DMRT1: variants seen among roughly 807,000 people sequenced by gnomAD.
The protein encoded by DMRT1 is doublesex and mab-3 related transcription factor 1, also known as doublesex- and mab-3-related transcription factor 1.
Under a neutral mutation model 32.3 loss-of-function variants are expected in DMRT1, and 7 were observed. The ratio of observed to expected loss-of-function variants is 0.22; its 90% CI spans 0.12 to 0.41. The LOEUF (loss-of-function observed/expected upper bound fraction) is 0.41. Ranked by LOEUF, DMRT1 falls within the 10% of genes least tolerant of loss-of-function variation. DMRT1 has a pLI of 1.00. For missense variants in DMRT1, 625 were observed against 500.5 expected (o/e 1.25, Z -2.37); for synonymous variants, 278 against 206.1 (o/e 1.35, Z -2.99).
At chr9:855,777 C>T (rs762271995) in intron 2 of DMRT1, among the ~76,000 whole-genome samples, 2 of 152,164 alleles carry the variant, frequency 1.3e-5, no homozygotes, top group Non-Finnish European at 2.9e-5. Flanking sequence ...GCCACCACTC[C>T]TGGCTCATTT....
chr9:879,117 C>T lies in DMRT1; in HGVS notation c.539-14795C>T, dbSNP rs559633166. ...TGAGAGCCAGCTCAGAATAAGATGC[C>T]AGGCTCTAATTCTCTCAAATCAGTC... On this transcript the variant is annotated intron_variant, in intron 2 of 4. Transcript: ENST00000382276. Among the ~76,000 whole-genome samples the T allele has an allele frequency of 8.7e-4, 133 of 152,228 alleles. 1 individual carries two copies. The highest frequency in any genetic ancestry group is 2.9e-3 in the East Asian group (15 of 5,170).
intron 2 of DMRT1, among the ~76,000 whole-genome samples, chr9:861,626 C>G (rs1815680025): frequency 6.7e-6 from 1 of 149,698 alleles, no homozygotes; most frequent in Admixed American, 6.6e-5. Context: ...CCTCACTTCC[C>G]AGAAGGGGCA....
At chr9:922,036 A>G (rs902938318) in intron 4 of DMRT1, among the ~76,000 whole-genome samples, 1 of 122,366 alleles carries the variant, frequency 8.2e-6, no homozygotes, top group African/African-American at 2.6e-5. Flanking sequence ...GAGCACCACA[A>G]CGCCCAGCTA....
intron 4 of DMRT1, among the ~76,000 whole-genome samples, chr9:964,408 G>C (rs1819868048): frequency 6.6e-6 from 1 of 152,042 alleles, no homozygotes; most frequent in African/African-American, 2.4e-5. Flanking sequence ...AGAGAAAACA[G>C]ATACTAGATT....
intron 2 of DMRT1, among the ~76,000 whole-genome samples, chr9:860,356 G>GA (rs1240460377): frequency 6.6e-6 from 1 of 151,998 alleles, no homozygotes; most frequent in Non-Finnish European, 1.5e-5. Context: ...TTAGTTCAGT[G>GA]AAGCAGATTG....
chr9:865,946 C>G (rs1196493253), intron 2 of DMRT1, among the ~76,000 whole-genome samples: 1 of 151,822 alleles, frequency 6.6e-6, no homozygotes, highest in African/African-American at 2.4e-5. Flanking sequence ...GGCGGATCAC[C>G]TAAGGTCAGG....
chr9:888,940 A>G (rs1254342140), intron 2 of DMRT1, among the ~76,000 whole-genome samples: 2 of 151,642 alleles, frequency 1.3e-5, no homozygotes, highest in African/African-American at 4.9e-5. Context: ...CAGCCTAGGC[A>G]ACATGGTGAG....
chr9:898,168 G>T (rs1395970081), intron 3 of DMRT1, among the ~76,000 whole-genome samples: 1 of 151,582 alleles, frequency 6.6e-6, no homozygotes, highest in Non-Finnish European at 1.5e-5. Flanking sequence ...CATTCAGGCT[G>T]GCGTGCAGTG....
chr9:923,435 G>A (rs1389793857), intron 4 of DMRT1, among the ~76,000 whole-genome samples: 1 of 151,062 alleles, frequency 6.6e-6, no homozygotes, highest in African/African-American at 2.4e-5. Flanking sequence ...TTCCTTACCT[G>A]CTGAGAGAGG....
chr9:849,671 A>T (rs1839055232), intron 2 of DMRT1, among the ~76,000 whole-genome samples: 1 of 152,204 alleles, frequency 6.6e-6, no homozygotes, highest in Non-Finnish European at 1.5e-5. Context: ...TGTGGAGTTG[A>T]CAGACCTTGG....
intron 4 of DMRT1, among the ~76,000 whole-genome samples, chr9:923,418 C>T (rs1384316512): frequency 1.3e-5 from 2 of 152,074 alleles, no homozygotes; most frequent in African/African-American, 4.8e-5. Context: ...TCCCTGAGAG[C>T]CTCGATTTCC....
chr9:926,203 C>T (rs536714590), intron 4 of DMRT1, among the ~76,000 whole-genome samples: 4 of 152,270 alleles, frequency 2.6e-5, no homozygotes, highest in South Asian at 2.1e-4. Flanking sequence ...TCCCAAAGCT[C>T]AGTATAAACT....
chr9:954,676 T>TC (rs1819538854), intron 4 of DMRT1, among the ~76,000 whole-genome samples: 1 of 152,148 alleles, frequency 6.6e-6, no homozygotes, highest in African/African-American at 2.4e-5. Flanking sequence ...AGAGTCTTGC[T>TC]CTGTCGCCAA....
chr9:911,470 A>ATTTTTTGTTTT (rs1817978994), intron 3 of DMRT1, among the ~76,000 whole-genome samples: 1 of 66,950 alleles, frequency 1.5e-5, no homozygotes, highest in African/African-American at 3.9e-5. Flanking sequence ...GGTTAATTGC[A>ATTTTTTGTTTT]TTTTTTTTTT....
At chr9:922,232 G>T (rs1818377782) in intron 4 of DMRT1, among the ~76,000 whole-genome samples, 1 of 152,038 alleles carries the variant, frequency 6.6e-6, no homozygotes, top group African/African-American at 2.4e-5. Flanking sequence ...TTTTGCCAAA[G>T]TACCAGACCA....
chr9:860,014 G>C (rs1815585694), intron 2 of DMRT1, among the ~76,000 whole-genome samples: 1 of 152,230 alleles, frequency 6.6e-6, no homozygotes, highest in Non-Finnish European at 1.5e-5. Context: ...CTAAAATATG[G>C]GGTAGGGCAC....
At chr9:907,406 A>G (rs530825212) in intron 3 of DMRT1, among the ~76,000 whole-genome samples, 1 of 152,144 alleles carries the variant, frequency 6.6e-6, no homozygotes, top group Non-Finnish European at 1.5e-5. Context: ...TCCTGCATAG[A>G]TTTCTCAAGA....
Position 871,619 on chromosome 9 carries a change from A to G in DMRT1, c.539-22293A>G, listed in dbSNP as rs796099451. Among the ~76,000 whole-genome samples the G allele has an allele frequency of 2.3e-3, 206 of 90,674 alleles. 1 individual carries two copies. Among genetic ancestry groups the G allele is most frequent in the African/African-American group, 9.5e-3 (186 of 19,492 alleles). 59.5% of individuals were successfully genotyped at this position (90,674 alleles called of 152,430 possible). On this transcript the variant is annotated intron_variant, in intron 2 of 4. Coordinates refer to ENST00000382276, the MANE Select transcript of DMRT1 (RefSeq NM_021951.3). ...GCCTCCCAAAGTGCTGGGATTACAGACGCGAGCCACCGCGCCGGCTAACTT... is the reference window on the plus strand; with the variant it reads ...GCCTCCCAAAGTGCTGGGATTACAGGCGCGAGCCACCGCGCCGGCTAACTT...
rs74620704 is a variant in DMRT1 at position 863,679 on chromosome 9, C to G, written c.538+16536C>G. Among the ~76,000 whole-genome samples, 35 of 152,290 alleles carry G rather than the reference C, an allele frequency of 2.3e-4. No individual in the cohort carries two copies. The East Asian group carries it at 6.2e-3, about 27-fold the overall frequency. On this transcript the variant is annotated intron_variant, in intron 2 of 4. Coordinates refer to ENST00000382276, the MANE Select transcript of DMRT1 (RefSeq NM_021951.3). ...ACAGAGACTGGCGTCAGATTTCGGA[C>G]CCACAGAACTCTAAGATAGTCAATT...
Sources: allele counts gnomAD v4.1 joint callset (sites outside exome capture counted in the v4.1 genomes callset), GRCh38; gene constraint gnomAD v4.1.1; transcripts MANE v1.5; gene names NCBI Gene and HGNC (gene_info 2026-07-23, HGNC 2026-07-21).